The following PCDH7 variants were observed in gnomAD, a reference collection of about 807,000 sequenced individuals.
The protein encoded by PCDH7 is protocadherin 7.
Under a neutral mutation model 58.9 loss-of-function variants are expected in PCDH7, and 17 were observed. The observed-to-expected ratio is 0.29, with a 90% CI of 0.20 to 0.43. The LOEUF (loss-of-function observed/expected upper bound fraction) is 0.43, where lower values mean the gene tolerates loss of function less well. PCDH7 is among the 20% of genes least tolerant of loss of function. PCDH7 has a pLI of 1.00. For synonymous variants in PCDH7, 664 were observed against 616.4 expected, an observed-to-expected ratio of 1.08 and a Z score of -1.14; for missense variants, 1,274 against 1,441.0, an observed-to-expected ratio of 0.88 and a Z score of 1.88.
At chr4:31,137,185 T>C (rs1213796571) in intron 3 of PCDH7, among the ~76,000 whole-genome samples, 2 of 152,124 alleles carry the variant, frequency 1.3e-5, no homozygotes, top group African/African-American at 4.8e-5. Flanking sequence ...TAGAGGGAAG[T>C]CAAGAAACAT....
chr4:30,973,344 T>C (rs1749771720), intron 3 of PCDH7, among the ~76,000 whole-genome samples: 1 of 152,094 alleles, frequency 6.6e-6, no homozygotes, highest in Admixed American at 6.6e-5. Flanking sequence ...GGAGAGAGTA[T>C]TACCTGGGGA....
intron 1 of PCDH7, among the ~76,000 whole-genome samples, chr4:30,792,734 G>C (rs954376369): frequency 5.3e-5 from 8 of 152,074 alleles, no homozygotes; most frequent in Non-Finnish European, 7.4e-5. Flanking sequence ...GGGGGATCCA[G>C]GTCTCTAATC....
At chr4:31,080,594 GA>G (rs1027128253) in intron 3 of PCDH7, among the ~76,000 whole-genome samples, 3 of 151,692 alleles carry the variant, frequency 2.0e-5, no homozygotes, top group East Asian at 1.9e-4. Context: ...TCGTTCTTTA[GA>G]AAAAAAAGTG....
chr4:30,876,198 T>C (rs865803022), intron 1 of PCDH7, among the ~76,000 whole-genome samples: 8 of 152,236 alleles, frequency 5.3e-5, no homozygotes, highest in African/African-American at 1.7e-4. Context: ...CCTATAGTGT[T>C]AATATTCTTA....
At chr4:30,733,013 T>C (rs907226148), downstream of PCDH7, 1 of 152,120 alleles carries the variant, frequency 6.6e-6, no homozygotes, top group Non-Finnish European at 1.5e-5. Flanking sequence ...AGATTCCCAG[T>C]CCCCCTTCCC....
chr4:30,747,594 T>C (rs1384957086), intron 1 of PCDH7, among the ~76,000 whole-genome samples: 2 of 152,238 alleles, frequency 1.3e-5, no homozygotes, highest in Admixed American at 1.3e-4. Context: ...CTCCTATCTC[T>C]TCATTCTGAC....
chr4:30,749,982 TA>T (rs1718292313), intron 1 of PCDH7, among the ~76,000 whole-genome samples: 1 of 152,116 alleles, frequency 6.6e-6, no homozygotes, highest in Non-Finnish European at 1.5e-5. Flanking sequence ...TGGGAGTAAA[TA>T]ACTGAAAGTA....
intron 1 of PCDH7, among the ~76,000 whole-genome samples, chr4:30,910,187 A>G (rs1030129679): frequency 1.3e-5 from 2 of 152,222 alleles, no homozygotes; most frequent in Admixed American, 1.3e-4. Flanking sequence ...AAGATGGATT[A>G]AAGATTTATA....
chr4:30,767,363 A>T (rs6856144), intron 1 of PCDH7, among the ~76,000 whole-genome samples: 84,516 of 151,972 alleles, frequency 0.56, 24,599 homozygotes, highest in African/African-American at 0.73. Flanking sequence ...GGGTGATTAG[A>T]CCTTAGTTAG....
At chr4:30,879,737 C>G (rs79419150) in intron 1 of PCDH7, among the ~76,000 whole-genome samples, 4,915 of 152,212 alleles carry the variant, frequency 0.032, 265 homozygotes, top group African/African-American at 0.11. Flanking sequence ...CAGATACTGA[C>G]ATCATACTGA....
At chr4:31,122,812 C>A (rs1717850646) in intron 3 of PCDH7, among the ~76,000 whole-genome samples, 1 of 151,302 alleles carries the variant, frequency 6.6e-6, no homozygotes, top group Non-Finnish European at 1.5e-5. Flanking sequence ...AAAATTGTTT[C>A]TTTGGGGGAA....
At chr4:30,950,613 C>G (rs1578395203) in intron 3 of PCDH7, among the ~76,000 whole-genome samples, 1 of 152,074 alleles carries the variant, frequency 6.6e-6, no homozygotes, top group Admixed American at 6.6e-5. Context: ...AATTTAATAG[C>G]ATTTGCATCT....
At chr4:30,920,308 G>A in exon 2 of PCDH7, 1 of 1,367,576 alleles carries the variant, frequency 7.3e-7, no homozygotes, top group Non-Finnish European at 9.8e-7. Flanking sequence ...CACTCCCAGA[G>A]GACAACTATG....
At chr4:31,078,189 C>T (rs1001731152) in intron 3 of PCDH7, among the ~76,000 whole-genome samples, 1 of 152,008 alleles carries the variant, frequency 6.6e-6, no homozygotes, top group Admixed American at 6.6e-5. Flanking sequence ...TTGGGAGGGA[C>T]GCAGCAAGGA....
intron 3 of PCDH7, among the ~76,000 whole-genome samples, chr4:31,115,467 C>T (rs1716878548): frequency 6.6e-6 from 1 of 152,000 alleles, no homozygotes; most frequent in African/African-American, 2.4e-5. Context: ...AATAAGAATT[C>T]TTTATTTTCC....
At chr4:30,775,430 T>G (rs768224901) in intron 1 of PCDH7, among the ~76,000 whole-genome samples, 42 of 152,290 alleles carry the variant, frequency 2.8e-4, no homozygotes, top group Admixed American at 5.2e-4. Context: ...GAAAGTATAC[T>G]CTATACTAAG....
intron 3 of PCDH7, among the ~76,000 whole-genome samples, chr4:31,099,722 T>C (rs1002887904): frequency 6.6e-6 from 1 of 152,080 alleles, no homozygotes; most frequent in African/African-American, 2.4e-5. Flanking sequence ...ACAAACCAGT[T>C]TAGTAAGTGG....
chr4:30,768,644 T>G (rs1284588065), intron 1 of PCDH7, among the ~76,000 whole-genome samples: 1 of 152,234 alleles, frequency 6.6e-6, no homozygotes, highest in African/African-American at 2.4e-5. Context: ...AGACAATATC[T>G]TGCTGTTTTT....
chr4:31,099,007 C>T (rs1714544747), intron 3 of PCDH7, among the ~76,000 whole-genome samples: 1 of 152,164 alleles, frequency 6.6e-6, no homozygotes, highest in African/African-American at 2.4e-5. Flanking sequence ...ATTAGAGCCC[C>T]ACCCTTAAGA....
Sources: gnomAD v4.1 joint callset for allele counts (sites outside exome capture counted in the v4.1 genomes callset) on GRCh38, gnomAD v4.1.1 for gene constraint, MANE v1.5 for transcripts, NCBI Gene and HGNC (gene_info 2026-07-23, HGNC 2026-07-21) for gene names.